Variants in PALS1 observed in about 807,000 individuals in gnomAD.
PALS1 encodes protein PALS1.
In PALS1, 31 loss-of-function variants were observed where a neutral mutation model predicts 78.9. The observed-to-expected ratio is 0.39, with a 90% CI of 0.30 to 0.53. The LOEUF is 0.53. Among genes scored for constraint, PALS1 ranks in the 20% least tolerant of loss-of-function variants. The pLI is 0.67. For synonymous variants in PALS1, 276 were observed against 270.9 expected (o/e 1.02, Z -0.18); for missense variants, 704 against 826.5 (o/e 0.85, Z 1.82).
At chr14:67,315,711 G>C (rs1216489165) in intron 9 of PALS1, among the ~76,000 whole-genome samples, 2 of 152,012 alleles carry the variant, frequency 1.3e-5, no homozygotes. Flanking sequence ...GATCACCTGA[G>C]ATTAGGAGTT....
chr14:67,290,018 C>T (rs111585642), intron 3 of PALS1, among the ~76,000 whole-genome samples: 23,511 of 151,928 alleles, frequency 0.15, 3,435 homozygotes, highest in East Asian at 0.42. Flanking sequence ...ATGATCCACC[C>T]GCCTTGGTCT....
intron 1 of PALS1, among the ~76,000 whole-genome samples, chr14:67,267,022 A>G (rs1017801614): frequency 3.7e-4 from 57 of 152,048 alleles, no homozygotes; most frequent in Admixed American, 5.9e-4. Context: ...CGGGAAGATC[A>G]CTTGAGCCTG....
At chr14:67,253,944 T>G (rs2084102439) in intron 1 of PALS1, among the ~76,000 whole-genome samples, 2 of 151,778 alleles carry the variant, frequency 1.3e-5, no homozygotes, top group Non-Finnish European at 2.9e-5. Context: ...TCAGTGTGTT[T>G]GTGTTAATAT....
At chr14:67,329,842 A>ATAAG (rs2085418317) in intron 14 of PALS1, among the ~76,000 whole-genome samples, 1 of 93,670 alleles carries the variant, frequency 1.1e-5, no homozygotes. Context: ...TCAAAAATAA[A>ATAAG]TAAATAAATA....
chr14:67,259,535 TCAGGAGG>T (rs1167527808), intron 1 of PALS1, among the ~76,000 whole-genome samples: 2 of 151,906 alleles, frequency 1.3e-5, no homozygotes, highest in African/African-American at 4.8e-5. Context: ...TTGCGTGAAC[TCAGGAGG>T]CAGAGGTTGC....
chr14:67,326,855 CA>C (rs540732885), intron 14 of PALS1, among the ~76,000 whole-genome samples: 39 of 152,248 alleles, frequency 2.6e-4, no homozygotes, highest in Non-Finnish European at 4.4e-4. Flanking sequence ...ACAATTTATC[CA>C]TTCTTCAGTT....
chr14:67,301,595 T>G, intron 5 of PALS1, 129 bp downstream of exon 5: 1 of 508,968 alleles, frequency 2.0e-6, no homozygotes, highest in Non-Finnish European at 3.4e-6. Flanking sequence ...CAACCCCATC[T>G]ATAACATAGT....
chr14:67,283,807 ATCAT>A (rs1477966074), intron 3 of PALS1, among the ~76,000 whole-genome samples: 60 of 152,246 alleles, frequency 3.9e-4, no homozygotes, highest in Non-Finnish European at 7.8e-4. Context: ...TAACTGCTAC[ATCAT>A]TCAGTCTTTG....
chr14:67,286,231 GC>G (rs2084684935), intron 3 of PALS1, among the ~76,000 whole-genome samples: 1 of 152,138 alleles, frequency 6.6e-6, no homozygotes, highest in South Asian at 2.1e-4. Flanking sequence ...TCCCAACCTA[GC>G]ACATATATCA....
intron 2 of PALS1, among the ~76,000 whole-genome samples, chr14:67,273,012 T>G (rs1288885190): frequency 6.7e-6 from 1 of 149,680 alleles, no homozygotes; most frequent in Non-Finnish European, 1.5e-5. Flanking sequence ...TTCTTCATTC[T>G]CACTGTCCTA....
At chr14:67,317,650 AC>A (rs1291282001) in intron 11 of PALS1, among the ~76,000 whole-genome samples, 171 bp downstream of exon 11, 4 of 152,210 alleles carry the variant, frequency 2.6e-5, no homozygotes, top group African/African-American at 7.2e-5. Context: ...GAAAACTGAT[AC>A]AAAAATTCAA....
At chr14:67,301,570 C>T (rs1350937633) in intron 5 of PALS1, 104 bp downstream of exon 5, 5 of 664,934 alleles carry the variant, frequency 7.5e-6, no homozygotes. Flanking sequence ...ATTCTCTAGC[C>T]TATTTTGATG....
At chr14:67,322,822 A>G (rs138177432) in intron 13 of PALS1, among the ~76,000 whole-genome samples, 1 of 152,320 alleles carries the variant, frequency 6.6e-6, no homozygotes, top group Non-Finnish European at 1.5e-5. Context: ...GCATATTCCT[A>G]TAATCTCCAT....
chr14:67,292,920 T>C (rs761227863), intron 4 of PALS1, among the ~76,000 whole-genome samples: 3 of 152,168 alleles, frequency 2.0e-5, no homozygotes, highest in Non-Finnish European at 4.4e-5. Context: ...GTCAGAACAC[T>C]GTTTCATGAA....
At chr14:67,328,573 A>C (rs554802917) in intron 14 of PALS1, among the ~76,000 whole-genome samples, 1 of 152,238 alleles carries the variant, frequency 6.6e-6, no homozygotes, top group East Asian at 1.9e-4. Flanking sequence ...CCTGAATGGT[A>C]TTGCCTAGGT....
At chr14:67,288,106 G>A (rs573224073) in intron 3 of PALS1, among the ~76,000 whole-genome samples, 2 of 152,072 alleles carry the variant, frequency 1.3e-5, no homozygotes, top group South Asian at 4.1e-4. Context: ...TCGAGACAGA[G>A]TCTCACTCTG....
chr14:67,258,924 C>T (rs1346955991), intron 1 of PALS1, among the ~76,000 whole-genome samples: 2 of 152,028 alleles, frequency 1.3e-5, no homozygotes, highest in African/African-American at 4.8e-5. Flanking sequence ...TCACTGCAGC[C>T]TCCCACCTCC....
At chr14:67,294,896 T>C (rs959970565) in intron 4 of PALS1, 1 of 151,970 alleles carries the variant, frequency 6.6e-6, no homozygotes, top group Admixed American at 6.6e-5. Context: ...ATGGTCTTGA[T>C]CTCCTGACCT....
chr14:67,257,983 A>G (rs2084173274), intron 1 of PALS1, among the ~76,000 whole-genome samples: 1 of 152,184 alleles, frequency 6.6e-6, no homozygotes, highest in Non-Finnish European at 1.5e-5. Context: ...TAACTACTTC[A>G]TTCGATTGTC....
Sources: gnomAD v4.1 joint callset for allele counts (sites outside exome capture counted in the v4.1 genomes callset) on GRCh38, gnomAD v4.1.1 for gene constraint, MANE v1.5 for transcripts, NCBI Gene and HGNC (gene_info 2026-07-23, HGNC 2026-07-21) for gene names.